The following ZNF268 variants were observed in gnomAD, a reference collection of about 807,000 sequenced individuals.
The protein encoded by ZNF268 is zinc finger protein 268.
ZNF268 carries 20 observed loss-of-function variants against 29.3 expected under a neutral mutation model. The ratio of observed to expected loss-of-function variants is 0.68; its 90% CI spans 0.48 to 0.99. The LOEUF is 0.99. Ranked by LOEUF, ZNF268 falls within the 50% of genes least tolerant of loss-of-function variation. ZNF268 has a pLI of 0.00. For missense variants in ZNF268, 1,240 were observed against 1,121.6 expected, an observed-to-expected ratio of 1.11 and a Z score of -1.51; for synonymous variants, 429 against 376.9, an observed-to-expected ratio of 1.14 and a Z score of -1.60.
In ZNF268 at chr12:133,210,675, GTC is replaced by G. The variant is rs1466923989; in HGVS notation, c.*6147_*6148del. 7 of 365,864 alleles carry G rather than the reference GTC, an allele frequency of 1.9e-5. No homozygotes were observed. Among genetic ancestry groups the G allele is most frequent in the African/African-American group, 1.5e-4 (7 of 46,566 alleles). The allele number at this position is 365,864 out of a possible 1,614,324, so 22.7% of individuals were successfully genotyped here. A position where few individuals can be genotyped will look rare whatever the true frequency, so the allele number is the denominator to read the frequency against. On this transcript the variant is annotated 3_prime_UTR_variant, in exon 6 of 6. Transcript: ENST00000536435. ...TCTCCGGGTCCTGAGTAGAAGCAAG[GTC>G]TGTTTGTCACTGTGGATTCCCCCCT...
Position 133,195,740 on chromosome 12 carries a change from CAG to C in ZNF268, c.457+3740_457+3741del, listed in dbSNP as rs1292501829. 3.3e-5 allele frequency among the ~76,000 whole-genome samples: 5 copies of C among 151,442 alleles called. No homozygotes were observed. The East Asian group carries it at 9.8e-4, about 30-fold the overall frequency. ...TTTTTGTTTTTGTTTTTTTTTGAGA[CAG>C]AGTCTCGCTCTGTTGCCTAGGCTGG... On this transcript the variant is annotated intron_variant, in intron 5 of 5. Transcript: ENST00000536435.
At chr12:133,192,620 T>A (rs1956502748) in intron 5 of ZNF268, among the ~76,000 whole-genome samples, 1 of 152,144 alleles carries the variant, frequency 6.6e-6, no homozygotes, top group Admixed American at 6.5e-5. Flanking sequence ...CCATCTTCCT[T>A]CTTTTTGAAA....
chr12:133,194,309 A>G (rs992669037), intron 5 of ZNF268, among the ~76,000 whole-genome samples: 7 of 152,182 alleles, frequency 4.6e-5, no homozygotes, highest in Non-Finnish European at 8.8e-5. Flanking sequence ...TTTAAGCAGA[A>G]GTGATTTATT....
intron 2 of ZNF268, among the ~76,000 whole-genome samples, chr12:133,184,198 C>G (rs982884683): frequency 6.6e-6 from 1 of 151,878 alleles, no homozygotes; most frequent in African/African-American, 2.4e-5. Flanking sequence ...CTCTGCCTCC[C>G]GGGTTCAAGT....
At position 133,207,192 on chromosome 12, in the gene ZNF268, A is replaced by G. The variant is rs1373403364; in HGVS notation, c.*2662A>G. 6.6e-6 allele frequency: 1 copy of G among 152,222 alleles called. No homozygotes were observed. Among genetic ancestry groups the G allele is most frequent in the Non-Finnish European group, 1.5e-5 (1 of 68,034 alleles). 9.4% of individuals were successfully genotyped at this position (152,222 alleles called of 1,614,324 possible). A position where few individuals can be genotyped will look rare whatever the true frequency, so the allele number is the denominator to read the frequency against. ...AAAGACATTCCAGAGACTTTTCAGG[A>G]ATAGTTATTATAAGGAAAATCCAAG... On this transcript the variant is annotated 3_prime_UTR_variant, in exon 6 of 6. Coordinates refer to ENST00000536435, the MANE Select transcript of ZNF268 (RefSeq NM_003415.3).
intron 5 of ZNF268, 40 bp downstream of exon 5, chr12:133,192,043 T>G (rs1288126680): frequency 6.6e-7 from 1 of 1,520,738 alleles, no homozygotes; most frequent in East Asian, 2.3e-5. Context: ...TTATTTAGAA[T>G]TAGCATGAAT....
At chr12:133,197,161 A>G (rs950059580) in intron 5 of ZNF268, among the ~76,000 whole-genome samples, 38 of 147,638 alleles carry the variant, frequency 2.6e-4, no homozygotes, top group Non-Finnish European at 4.3e-4. Flanking sequence ...AGCATTAGGT[A>G]TATCTCCCAA....
intron 5 of ZNF268, among the ~76,000 whole-genome samples, chr12:133,195,508 C>G (rs559735431): frequency 6.6e-6 from 1 of 152,176 alleles, no homozygotes; most frequent in East Asian, 1.9e-4. Context: ...AGCTTAAGAC[C>G]AGCTTGGGCA....
chr12:133,188,454 C>T (rs952315724), intron 3 of ZNF268, among the ~76,000 whole-genome samples: 1 of 152,160 alleles, frequency 6.6e-6, no homozygotes, highest in Non-Finnish European at 1.5e-5. Flanking sequence ...GCCTCAGCCT[C>T]CTGAGGTGCT....
In ZNF268 at chr12:133,202,413, G is replaced by A. The variant is rs950123855; in HGVS notation, c.727G>A (p.Val243Ile). The A allele has an allele frequency of 6.2e-7, 1 of 1,610,924 alleles. No individual in the cohort carries two copies. Among genetic ancestry groups the A allele is most frequent in the Non-Finnish European group, 8.5e-7 (1 of 1,178,334 alleles). The change falls in exon 6 of 6, where the codon GTT becomes ATT. Residue 243 changes from valine to isoleucine, a missense_variant. By Grantham distance (29) the Val-to-Ile change is conservative. Transcript: ENST00000536435. ...SFFHSKHEQTVIGIKYCESIE... is the reference protein window; with the variant it reads ...SFFHSKHEQTIIGIKYCESIE... Reference sequence around the variant, plus strand: ...CTTCCATTCTAAACATGAGCAAACTGTTATTGGAATAAAATACTGTGAAAG... The same window carrying A: ...CTTCCATTCTAAACATGAGCAAACTATTATTGGAATAAAATACTGTGAAAG...
chr12:133,186,540 AT>A (rs1189890339), intron 2 of ZNF268, among the ~76,000 whole-genome samples: 4 of 148,888 alleles, frequency 2.7e-5, no homozygotes, highest in Non-Finnish European at 4.5e-5. Flanking sequence ...CGCCTGGCTG[AT>A]TTTTTTTTTG....
rs1956870600 is a variant in ZNF268 at position 133,205,151 on chromosome 12, A to AAAAAAAAAAAC, written c.*631_*632insCAAAAAAAAAA. On this transcript the variant is annotated 3_prime_UTR_variant, in exon 6 of 6. Transcript: ENST00000536435. ...ACCTTAGAAGCTTCATTCTAAAAAA[A>AAAAAAAAAAAC]AAAAAAAAAAAAAAAAAAAAAACCA... The AAAAAAAAAAAC allele has an allele frequency of 7.7e-6, 1 of 130,676 alleles. No homozygotes were observed. The highest frequency in any genetic ancestry group is 1.6e-5 in the Non-Finnish European group (1 of 61,044). The allele number at this position is 130,676 out of a possible 1,614,324, so 8.1% of individuals were successfully genotyped here.
intron 2 of ZNF268, chr12:133,184,629 A>AT (rs779672950): frequency 4.8e-5 from 18 of 374,654 alleles, no homozygotes; most frequent in Admixed American, 3.7e-4. Context: ...TTATTTGTTT[A>AT]TTTTTTTGAG....
At chr12:133,182,131 C>A in intron 2 of ZNF268, 101 bp downstream of exon 2, 1 of 1,202,118 alleles carries the variant, frequency 8.3e-7, no homozygotes, top group Non-Finnish European at 1.2e-6. Flanking sequence ...GCTTTCTCAC[C>A]CCACCGCTCT....
chr12:133,193,609 T>G (rs1956527756), intron 5 of ZNF268: 1 of 540,736 alleles, frequency 1.8e-6, no homozygotes, highest in African/African-American at 1.9e-5. Context: ...TAGAAACGAC[T>G]AATCCATTCA....
rs1440321458 is a variant in ZNF268 at position 133,207,557 on chromosome 12, C to G, written c.*3027C>G. 6.6e-6 allele frequency: 1 copy of G among 152,158 alleles called. No individual in the cohort carries two copies. The highest frequency in any genetic ancestry group is 1.5e-5 in the Non-Finnish European group (1 of 68,046). The allele number at this position is 152,158 out of a possible 1,614,324, so 9.4% of individuals were successfully genotyped here. ...GGCACGGTGGCTCACACCTATAATCCCAGCACTTCAGGAGGCTGAGATGGT... is the reference window on the plus strand; with the variant it reads ...GGCACGGTGGCTCACACCTATAATCGCAGCACTTCAGGAGGCTGAGATGGT... On this transcript the variant is annotated 3_prime_UTR_variant, in exon 6 of 6. Transcript: ENST00000536435.
Position 133,211,231 on chromosome 12 carries a change from A to G in ZNF268, c.*6701A>G. 2.8e-6 allele frequency: 1 copy of G among 355,376 alleles called. No individual in the cohort carries two copies. Among genetic ancestry groups the G allele is most frequent in the Non-Finnish European group, 5.5e-6 (1 of 181,684 alleles). The allele number at this position is 355,376 out of a possible 1,614,324, so 22.0% of individuals were successfully genotyped here. A position where few individuals can be genotyped will look rare whatever the true frequency, so the allele number is the denominator to read the frequency against. On this transcript the variant is annotated 3_prime_UTR_variant, in exon 6 of 6. Coordinates refer to ENST00000536435, the MANE Select transcript of ZNF268 (RefSeq NM_003415.3). ...TATAAAAAAAAAACCCTAAAATTGA[A>G]CAAGAAGACAACCCAATTAAAAATG...
chr12:133,205,065 A>G lies in ZNF268; in HGVS notation c.*535A>G, dbSNP rs1956866626. ...AATGAGAAACCCCTAGGGAAAAAAT[A>G]TATATAGGAGTGAACATCTTATGAA... On this transcript the variant is annotated 3_prime_UTR_variant, in exon 6 of 6. Coordinates refer to ENST00000536435, the MANE Select transcript of ZNF268 (RefSeq NM_003415.3). 1 of 149,822 alleles carries G rather than the reference A, an allele frequency of 6.7e-6. No homozygotes were observed. The allele number at this position is 149,822 out of a possible 1,614,324, so 9.3% of individuals were successfully genotyped here.
In ZNF268 at chr12:133,206,025, C is replaced by T. The variant is rs912806601; in HGVS notation, c.*1495C>T. ...TTACTGTCATTTTCTTAACTTTGTT[C>T]ACTTGTCTTTTATTTTGAGCTATTG... is the stretch of plus-strand genomic sequence containing the variant. On this transcript the variant is annotated 3_prime_UTR_variant, in exon 6 of 6. Coordinates refer to ENST00000536435, the MANE Select transcript of ZNF268 (RefSeq NM_003415.3). 6.6e-6 allele frequency: 1 copy of T among 152,156 alleles called. No homozygotes were observed. The highest frequency in any genetic ancestry group is 1.9e-4 in the East Asian group (1 of 5,206). 9.4% of individuals were successfully genotyped at this position (152,156 alleles called of 1,614,324 possible).
Sources: gnomAD v4.1 joint callset for allele counts (sites outside exome capture counted in the v4.1 genomes callset) on GRCh38, gnomAD v4.1.1 for gene constraint, MANE v1.5 for transcripts, NCBI Gene and HGNC (gene_info 2026-07-23, HGNC 2026-07-21) for gene names.